The following PCDHA4 variants were observed in gnomAD, a reference collection of about 807,000 sequenced individuals.
PCDHA4 encodes protocadherin alpha 4, also known as protocadherin alpha-4.
In PCDHA4, 49 loss-of-function variants were observed where a neutral mutation model predicts 61.4. The ratio of observed to expected loss-of-function variants is 0.80; its 90% CI spans 0.63 to 1.01. The LOEUF (loss-of-function observed/expected upper bound fraction) is 1.01, where lower values mean the gene tolerates loss of function less well. Ranked by LOEUF, PCDHA4 falls within the 50% of genes least tolerant of loss-of-function variation. PCDHA4 has a pLI of 0.00. For missense variants in PCDHA4, 1,254 were observed against 1,235.8 expected, an observed-to-expected ratio of 1.01 and a Z score of -0.22; for synonymous variants, 590 against 550.3, an observed-to-expected ratio of 1.07 and a Z score of -1.01.
At chr5:140,984,633 T>G (rs2097112196) in intron 3 of PCDHA4, among the ~76,000 whole-genome samples, 1 of 152,206 alleles carries the variant, frequency 6.6e-6, no homozygotes, top group African/African-American at 2.4e-5. Flanking sequence ...AAAGGGATTC[T>G]CTGCCTTCTC....
intron 3 of PCDHA4, among the ~76,000 whole-genome samples, chr5:141,009,288 C>G (rs373954362): frequency 6.6e-6 from 1 of 152,068 alleles, no homozygotes; most frequent in African/African-American, 2.4e-5. Flanking sequence ...GATCCCATTT[C>G]TATAAAATTT....
Position 140,954,691 on chromosome 5 carries a change from A to G in PCDHA4, c.2386-24258A>G, listed in dbSNP as rs561318179. Among the ~76,000 whole-genome samples the G allele has an allele frequency of 9.2e-5, 14 of 152,162 alleles. No homozygotes were observed. The East Asian group carries it at 2.5e-3, about 27-fold the overall frequency. ...TATTAGACTTTTGTCAGATGGATAG[A>G]CTACAAAATTTTTCTCCCATTCTGT... On this transcript the variant is annotated intron_variant, in intron 1 of 3. Coordinates refer to ENST00000530339, the MANE Select transcript of PCDHA4 (RefSeq NM_018907.4).
At chr5:140,971,462 A>G (rs1554233357) in intron 1 of PCDHA4, among the ~76,000 whole-genome samples, 1 of 152,184 alleles carries the variant, frequency 6.6e-6, no homozygotes, top group African/African-American at 2.4e-5. Flanking sequence ...TTTTGCAGTT[A>G]TAGGGAGAGA....
intron 1 of PCDHA4, among the ~76,000 whole-genome samples, chr5:140,976,253 T>G (rs1554237440): frequency 6.6e-6 from 1 of 152,124 alleles, no homozygotes; most frequent in Non-Finnish European, 1.5e-5. Context: ...TAAATTTATT[T>G]AAAACACAGA....
chr5:140,886,062 C>T (rs925772414), intron 1 of PCDHA4, among the ~76,000 whole-genome samples: 10 of 152,172 alleles, frequency 6.6e-5, no homozygotes, highest in Non-Finnish European at 1.2e-4. Context: ...CTTACAAAAG[C>T]GTAGGGCCAT....
At chr5:140,944,823 C>T (rs1246814273) in intron 1 of PCDHA4, among the ~76,000 whole-genome samples, 1 of 152,148 alleles carries the variant, frequency 6.6e-6, no homozygotes, top group Non-Finnish European at 1.5e-5. Context: ...ATCTTTGCCC[C>T]ATAATTGTAA....
chr5:140,807,858 G>T lies in PCDHA4; in HGVS notation c.671G>T (p.Gly224Val). Reference protein sequence around the residue: ...ATDGGKPELTGTVQLLITVLD... With the variant: ...ATDGGKPELTVTVQLLITVLD... ...GATGGAGGCAAACCCGAGTTGACTGGCACCGTTCAGTTACTCATCACAGTA... is the reference window on the plus strand; with the variant it reads ...GATGGAGGCAAACCCGAGTTGACTGTCACCGTTCAGTTACTCATCACAGTA... The change falls in exon 1 of 4, where the codon GGC (glycine) becomes GTC (valine). Residue 224 changes from glycine to valine, a missense_variant. Gly to Val is a moderately radical substitution (Grantham distance 109). Coordinates refer to ENST00000530339, the MANE Select transcript of PCDHA4 (RefSeq NM_018907.4). The T allele has an allele frequency of 6.2e-7, 1 of 1,614,144 alleles. No individual in the cohort carries two copies. The highest frequency in any genetic ancestry group is 8.5e-7 in the Non-Finnish European group (1 of 1,180,024).
At chr5:140,835,655 G>A (rs1554135164) in intron 1 of PCDHA4, 2 of 1,613,800 alleles carry the variant, frequency 1.2e-6, no homozygotes, top group Non-Finnish European at 8.5e-7. Context: ...ATGAGCTGGT[G>A]GTTACCGCGC....
chr5:140,895,309 C>A (rs1327911944), intron 1 of PCDHA4, among the ~76,000 whole-genome samples: 1 of 152,124 alleles, frequency 6.6e-6, no homozygotes, highest in African/African-American at 2.4e-5. Context: ...CCCCCTTCCA[C>A]CCATGACTAT....
chr5:140,822,642 G>A (rs1554128787), intron 1 of PCDHA4: 5 of 1,610,646 alleles, frequency 3.1e-6, no homozygotes, highest in Non-Finnish European at 3.4e-6. Context: ...ACGATGTAAA[G>A]TCCAAATTTA....
At chr5:140,901,515 T>C (rs1323018473) in intron 1 of PCDHA4, among the ~76,000 whole-genome samples, 1 of 152,178 alleles carries the variant, frequency 6.6e-6, no homozygotes, top group Non-Finnish European at 1.5e-5. Context: ...ATTATAGATA[T>C]GTGGATTTGT....
chr5:140,870,734 T>A (rs782055886), intron 1 of PCDHA4: 1 of 1,613,458 alleles, frequency 6.2e-7, no homozygotes. Flanking sequence ...GTGCCGCCTC[T>A]GAGCAGCAAC....
chr5:141,003,469 A>G (rs536017033), intron 3 of PCDHA4, among the ~76,000 whole-genome samples: 53 of 152,106 alleles, frequency 3.5e-4, no homozygotes, highest in Admixed American at 2.3e-3. Flanking sequence ...GCACCACCAC[A>G]GTCTCGCTAA....
At chr5:140,926,911 G>A (rs1248832475) in intron 1 of PCDHA4, 4 of 1,561,318 alleles carry the variant, frequency 2.6e-6, no homozygotes, top group Non-Finnish European at 3.5e-6. Flanking sequence ...CTGTGGGGTG[G>A]CAGTTTTATG....
chr5:140,863,047 C>G (rs1554157583), intron 1 of PCDHA4: 1 of 560,866 alleles, frequency 1.8e-6, no homozygotes. Flanking sequence ...TGTCAGCTGG[C>G]AGCACCCGTT....
intron 1 of PCDHA4, chr5:140,882,154 A>C (rs2058976763): frequency 1.3e-6 from 2 of 1,505,976 alleles, no homozygotes; most frequent in Non-Finnish European, 1.8e-6. Flanking sequence ...AGAAAGCGGA[A>C]TACCTCTTGC....
chr5:140,821,517 CA>C, intron 1 of PCDHA4: 1 of 397,696 alleles, frequency 2.5e-6, no homozygotes, highest in Admixed American at 4.1e-5. Context: ...CTAAATAAAG[CA>C]AAACAAAATA....
chr5:140,853,247 C>G (rs985398812), intron 1 of PCDHA4: 3 of 975,930 alleles, frequency 3.1e-6, no homozygotes, highest in African/African-American at 3.5e-5. Context: ...ATATTAATCT[C>G]TATTCTCTCT....
At position 140,809,557 on chromosome 5, in the gene PCDHA4, G is replaced by A; in HGVS notation, c.2370G>A (p.Glu790=). ...GAGAAGATCAGCTGCAGACAACTGAGGAATCCTTTGCAAAGGTTAGTGTAT... is the reference window on the plus strand; with the variant it reads ...GAGAAGATCAGCTGCAGACAACTGAAGAATCCTTTGCAAAGGTTAGTGTAT... ...RDREDQLQTT[E]ESFAKPRQPN... is the part of the protein sequence containing the mutation. The change falls in exon 1 of 4, where the codon GAG becomes GAA. Residue 790 remains glutamate, a synonymous_variant. Coordinates refer to ENST00000530339, the MANE Select transcript of PCDHA4 (RefSeq NM_018907.4). 1 of 1,610,094 alleles carries A rather than the reference G, an allele frequency of 6.2e-7. No individual in the cohort carries two copies. Among genetic ancestry groups the A allele is most frequent in the Non-Finnish European group, 8.5e-7 (1 of 1,177,884 alleles).
Sources: gnomAD v4.1 joint callset for allele counts (sites outside exome capture counted in the v4.1 genomes callset) on GRCh38, gnomAD v4.1.1 for gene constraint, MANE v1.5 for transcripts, NCBI Gene and HGNC (gene_info 2026-07-23, HGNC 2026-07-21) for gene names.